Variants in CACNA2D3 observed in about 807,000 individuals in gnomAD.
CACNA2D3 encodes the protein voltage-dependent calcium channel subunit alpha-2/delta-3.
Under a neutral mutation model 160.6 loss-of-function variants are expected in CACNA2D3, and 60 were observed. The ratio of observed to expected loss-of-function variants is 0.37; its 90% CI spans 0.30 to 0.46. The LOEUF (loss-of-function observed/expected upper bound fraction) is 0.46. CACNA2D3 is among the 20% of genes least tolerant of loss of function. The pLI is 1.00. For synonymous variants in CACNA2D3, 558 were observed against 492.9 expected, an observed-to-expected ratio of 1.13 and a Z score of -1.75; for missense variants, 1,205 against 1,365.0, an observed-to-expected ratio of 0.88 and a Z score of 1.85.
chr3:54,978,119 A>T (rs1702431150), intron 29 of CACNA2D3, among the ~76,000 whole-genome samples: 1 of 152,038 alleles, frequency 6.6e-6, no homozygotes, highest in Non-Finnish European at 1.5e-5. Flanking sequence ...TCTTTACTGC[A>T]TCCTGTTTAT....
chr3:54,403,907 T>C (rs1240897202), intron 4 of CACNA2D3, among the ~76,000 whole-genome samples: 3 of 152,154 alleles, frequency 2.0e-5, no homozygotes, highest in Non-Finnish European at 4.4e-5. Context: ...GGATAAATTC[T>C]TTCTAAAACC....
intron 17 of CACNA2D3, among the ~76,000 whole-genome samples, chr3:54,854,889 A>G (rs1699133105): frequency 6.6e-6 from 1 of 152,206 alleles, no homozygotes; most frequent in Non-Finnish European, 1.5e-5. Context: ...ACAGCTATAG[A>G]TAATTACCCA....
chr3:55,064,492 G>A (rs1216890782), intron 35 of CACNA2D3, among the ~76,000 whole-genome samples: 1 of 152,146 alleles, frequency 6.6e-6, no homozygotes, highest in Non-Finnish European at 1.5e-5. Context: ...GGAGGAGAGT[G>A]CAACTGTACA....
chr3:54,280,172 C>G (rs1269612870), intron 2 of CACNA2D3, among the ~76,000 whole-genome samples: 4 of 152,056 alleles, frequency 2.6e-5, no homozygotes, highest in Non-Finnish European at 5.9e-5. Context: ...AGCTCTGCCT[C>G]CTGGGTTCAC....
At chr3:54,930,861 G>A (rs1249113871) in intron 27 of CACNA2D3, among the ~76,000 whole-genome samples, 1 of 152,184 alleles carries the variant, frequency 6.6e-6, no homozygotes, top group East Asian at 1.9e-4. Flanking sequence ...ACTTTGGGAG[G>A]CTGAGTAGGT....
At chr3:54,967,888 T>G (rs1702185773) in intron 27 of CACNA2D3, among the ~76,000 whole-genome samples, 1 of 152,146 alleles carries the variant, frequency 6.6e-6, no homozygotes, top group Admixed American at 6.6e-5. Flanking sequence ...AAGAAAAAAT[T>G]ACATAATTTT....
chr3:54,402,323 C>G (rs539869111), intron 4 of CACNA2D3, among the ~76,000 whole-genome samples: 11 of 152,030 alleles, frequency 7.2e-5, no homozygotes, highest in African/African-American at 2.7e-4. Context: ...ATTCTCCAAC[C>G]AAAAGACATA....
At chr3:55,012,423 G>A (rs777797206) in intron 34 of CACNA2D3, among the ~76,000 whole-genome samples, 23 of 152,024 alleles carry the variant, frequency 1.5e-4, no homozygotes, top group Non-Finnish European at 2.5e-4. Context: ...TAGTGAAGAC[G>A]CTCCCTTCTC....
intron 25 of CACNA2D3, among the ~76,000 whole-genome samples, chr3:54,895,519 T>G (rs9868221): frequency 0.16 from 23,923 of 152,216 alleles, 2,053 homozygotes; most frequent in African/African-American, 0.23. Context: ...CTGCAACTAC[T>G]GAATGCTTTC....
chr3:54,329,512 A>G (rs1220220763), intron 3 of CACNA2D3, among the ~76,000 whole-genome samples: 3 of 152,232 alleles, frequency 2.0e-5, no homozygotes, highest in African/African-American at 7.2e-5. Flanking sequence ...GTCGGCTCCA[A>G]GCGAATGAAC....
intron 4 of CACNA2D3, among the ~76,000 whole-genome samples, chr3:54,415,607 A>G (rs1363591480): frequency 1.3e-5 from 2 of 152,230 alleles, no homozygotes; most frequent in Non-Finnish European, 2.9e-5. Context: ...CAATGATAAG[A>G]GTAATAGACA....
chr3:54,252,051 G>A (rs531179207), intron 2 of CACNA2D3, among the ~76,000 whole-genome samples: 1 of 147,064 alleles, frequency 6.8e-6, no homozygotes, highest in Non-Finnish European at 1.5e-5. Context: ...GATACACTGT[G>A]TAAAGTATCT....
chr3:54,879,067 TGAA>T lies in CACNA2D3; in HGVS notation c.1766_1768del (p.Lys589del). 6.2e-7 allele frequency: 1 copy of T among 1,605,176 alleles called. No homozygotes were observed. Among genetic ancestry groups the T allele is most frequent in the Non-Finnish European group, 8.5e-7 (1 of 1,176,272 alleles). ...AAGACGGGGAAGTTTTCCATGGAGG[TGAA>T]GAAGACAGTGGACAAAGGGGTACAT... On this transcript the variant is annotated inframe_deletion, in exon 19 of 38. Transcript: ENST00000474759.
Position 54,389,821 on chromosome 3 carries a change from C to T in CACNA2D3, c.381+3047C>T, listed in dbSNP as rs1009739207. On this transcript the variant is annotated intron_variant, in intron 4 of 37. Coordinates refer to ENST00000474759, the MANE Select transcript of CACNA2D3 (RefSeq NM_018398.3). The stretch of plus-strand genomic sequence containing the variant: ...AATTCAAAGAGATGAGGACACATGA[C>T]TACTACATGCAATGTGTGATCCTGA... 1.3e-5 allele frequency among the ~76,000 whole-genome samples: 2 copies of T among 152,204 alleles called. 1 individual carries two copies. Among genetic ancestry groups the T allele is most frequent in the African/African-American group, 4.8e-5 (2 of 41,450 alleles).
chr3:54,451,735 A>G lies in CACNA2D3; in HGVS notation c.382-51757A>G, dbSNP rs572882743. Among the ~76,000 whole-genome samples, 4 of 152,262 alleles carry G rather than the reference A, an allele frequency of 2.6e-5. No homozygotes were observed. The South Asian group carries it at 8.3e-4, about 32-fold the overall frequency. The stretch of plus-strand genomic sequence containing the variant: ...CCTCAGTTTATCACTTTCCTCTCAC[A>G]TATCACTATAAGCAGCAAGGAAAAA... On this transcript the variant is annotated intron_variant, in intron 4 of 37. Coordinates refer to ENST00000474759, the MANE Select transcript of CACNA2D3 (RefSeq NM_018398.3).
chr3:54,874,122 C>T (rs1446359954), intron 18 of CACNA2D3, among the ~76,000 whole-genome samples: 1 of 152,122 alleles, frequency 6.6e-6, no homozygotes, highest in Non-Finnish European at 1.5e-5. Flanking sequence ...ACAGTTATAA[C>T]CTGCATACTT....
intron 35 of CACNA2D3, among the ~76,000 whole-genome samples, chr3:55,036,845 C>A (rs1703828292): frequency 6.6e-6 from 1 of 152,098 alleles, no homozygotes; most frequent in South Asian, 2.1e-4. Context: ...TTTTTAAATT[C>A]TTTTTCTTTC....
intron 2 of CACNA2D3, among the ~76,000 whole-genome samples, chr3:54,312,951 G>T (rs1703773296): frequency 6.6e-6 from 1 of 152,206 alleles, no homozygotes; most frequent in Admixed American, 6.5e-5. Flanking sequence ...CCACCACCCT[G>T]TCGGAATTTG....
At chr3:54,610,646 G>A (rs1376061124) in intron 9 of CACNA2D3, among the ~76,000 whole-genome samples, 1 of 151,570 alleles carries the variant, frequency 6.6e-6, no homozygotes, top group Non-Finnish European at 1.5e-5. Context: ...TTTTTGAGAT[G>A]GAGTTTCACT....
Sources: gnomAD v4.1 joint callset for allele counts (sites outside exome capture counted in the v4.1 genomes callset) on GRCh38, gnomAD v4.1.1 for gene constraint, MANE v1.5 for transcripts, NCBI Gene and HGNC (gene_info 2026-07-23, HGNC 2026-07-21) for gene names.